Variants in VDAC1 observed in about 807,000 individuals in gnomAD.
The protein encoded by VDAC1 is non-selective voltage-gated ion channel VDAC1.
Under a neutral mutation model 34.7 loss-of-function variants are expected in VDAC1, and 10 were observed. That is an observed-to-expected ratio of 0.29 (90% CI 0.18 to 0.49). The LOEUF (loss-of-function observed/expected upper bound fraction) is 0.49. Among genes scored for constraint, VDAC1 ranks in the 20% least tolerant of loss-of-function variants. VDAC1 has a pLI of 0.99. For missense variants in VDAC1, 230 were observed against 347.9 expected (o/e 0.66, Z 2.69); for synonymous variants, 130 against 136.0 (o/e 0.96, Z 0.30).
the VDAC1 span, among the ~76,000 whole-genome samples, chr5:134,101,449 G>A: frequency 2.0e-5 from 3 of 151,864 alleles, no homozygotes; most frequent in South Asian, 4.2e-4. Flanking sequence ...AAAATTAGCC[G>A]GGCGTGGTGG....
the VDAC1 span, among the ~76,000 whole-genome samples, chr5:134,031,721 C>G: frequency 1.3e-5 from 2 of 152,106 alleles, no homozygotes; most frequent in African/African-American, 4.8e-5. Context: ...GAGGCTGAGG[C>G]AGGCGGATCA....
At chr5:133,988,868 C>T (rs555299364) in intron 5 of VDAC1, 6 of 152,304 alleles carry the variant, frequency 3.9e-5, no homozygotes, top group Non-Finnish European at 8.8e-5. Flanking sequence ...AAGGAAATCA[C>T]CTACAAATTC....
At chr5:134,070,614 C>T in the VDAC1 span, among the ~76,000 whole-genome samples, 4 of 152,120 alleles carry the variant, frequency 2.6e-5, no homozygotes, top group Non-Finnish European at 5.9e-5. Context: ...GTCTTTTTTC[C>T]ATACAGGCTT....
At chr5:134,101,607 G>A in the VDAC1 span, among the ~76,000 whole-genome samples, 10 of 151,502 alleles carry the variant, frequency 6.6e-5, no homozygotes, top group Non-Finnish European at 1.2e-4. Flanking sequence ...GAGCTTCACC[G>A]GCGTCGGCAC....
chr5:134,069,746 A>G, the VDAC1 span, among the ~76,000 whole-genome samples: 1 of 152,148 alleles, frequency 6.6e-6, no homozygotes, highest in South Asian at 2.1e-4. Flanking sequence ...GAGCAACTCC[A>G]TCTTGAGTAA....
At chr5:133,987,334 C>T (rs993742624) in intron 5 of VDAC1, among the ~76,000 whole-genome samples, 1 of 151,690 alleles carries the variant, frequency 6.6e-6, no homozygotes. Context: ...GCACTCCAGC[C>T]TAGGTGACAG....
At chr5:134,092,914 G>C in the VDAC1 span, among the ~76,000 whole-genome samples, 4 of 152,226 alleles carry the variant, frequency 2.6e-5, no homozygotes, top group African/African-American at 9.6e-5. Flanking sequence ...GACCAGCGGA[G>C]CTGCTAGAAT....
At chr5:133,994,529 C>G (rs1276858444) in intron 1 of VDAC1, among the ~76,000 whole-genome samples, 1 of 152,184 alleles carries the variant, frequency 6.6e-6, no homozygotes, top group Non-Finnish European at 1.5e-5. Flanking sequence ...CCGCCACTGG[C>G]TCTTTCCAGT....
chr5:133,977,987 T>A (rs1288769903), intron 6 of VDAC1, among the ~76,000 whole-genome samples: 3 of 152,128 alleles, frequency 2.0e-5, no homozygotes, highest in South Asian at 4.1e-4. Flanking sequence ...ATCTTTAACA[T>A]AAAATCAGTG....
chr5:133,992,603 C>A (rs2126979498), intron 2 of VDAC1, among the ~76,000 whole-genome samples: 1 of 152,366 alleles, frequency 6.6e-6, no homozygotes, highest in South Asian at 2.1e-4. Context: ...AAGAAGACAC[C>A]TGACAGCTGG....
upstream of VDAC1, among the ~76,000 whole-genome samples, chr5:134,006,736 G>GCCCC (rs1753758670): frequency 1.1e-5 from 1 of 92,652 alleles, no homozygotes; most frequent in African/African-American, 4.9e-5. Context: ...GAGTGACATT[G>GCCCC]TCCCCCCCCC....
chr5:134,062,987 A>C, the VDAC1 span, among the ~76,000 whole-genome samples: 1 of 152,338 alleles, frequency 6.6e-6, no homozygotes, highest in Non-Finnish European at 1.5e-5. Flanking sequence ...AATTTGGCAA[A>C]AATCACCCAT....
At chr5:134,009,153 T>G (rs956137665), upstream of VDAC1, among the ~76,000 whole-genome samples, 1 of 152,112 alleles carries the variant, frequency 6.6e-6, no homozygotes, top group Non-Finnish European at 1.5e-5. Flanking sequence ...ATAGCTATGA[T>G]TTTTAAGAAT....
chr5:134,022,684 G>A, the VDAC1 span, among the ~76,000 whole-genome samples: 1 of 152,240 alleles, frequency 6.6e-6, no homozygotes, highest in East Asian at 1.9e-4. Context: ...GAGGATGGGG[G>A]TGGAGGTACC....
the VDAC1 span, among the ~76,000 whole-genome samples, chr5:134,107,697 T>C: frequency 6.6e-6 from 1 of 152,336 alleles, no homozygotes; most frequent in East Asian, 1.9e-4. Flanking sequence ...GGCCTGGTCC[T>C]GAGCTCAGCC....
chr5:134,022,011 G>T, the VDAC1 span, among the ~76,000 whole-genome samples: 1 of 151,890 alleles, frequency 6.6e-6, no homozygotes, highest in African/African-American at 2.4e-5. Flanking sequence ...CTCCCAAGTA[G>T]CTGGGGTTAC....
chr5:134,076,398 T>C, the VDAC1 span, among the ~76,000 whole-genome samples: 1 of 152,252 alleles, frequency 6.6e-6, no homozygotes, highest in Non-Finnish European at 1.5e-5. Flanking sequence ...CAGCCTTCAC[T>C]GTCACCTCAG....
the VDAC1 span, among the ~76,000 whole-genome samples, chr5:134,052,481 G>A: frequency 6.6e-6 from 1 of 151,756 alleles, no homozygotes; most frequent in African/African-American, 2.4e-5. Context: ...TTTTTGTAGA[G>A]GCAAAGGTCT....
At chr5:133,980,648 A>AC in intron 6 of VDAC1, 81 bp downstream of exon 6, 2 of 1,024,382 alleles carry the variant, frequency 2.0e-6, no homozygotes, top group South Asian at 3.4e-5. Flanking sequence ...AAAAAAAAAA[A>AC]AAAAACAGTG....
Sources: gnomAD v4.1 joint callset for allele counts (sites outside exome capture counted in the v4.1 genomes callset) on GRCh38, gnomAD v4.1.1 for gene constraint, MANE v1.5 for transcripts, NCBI Gene and HGNC (gene_info 2026-07-23, HGNC 2026-07-21) for gene names.